EIF4G3: variants seen among roughly 807,000 people sequenced by gnomAD.
EIF4G3 encodes eukaryotic translation initiation factor 4 gamma 3, also known as eIF-4-gamma 3.
Under a neutral mutation model 186.4 loss-of-function variants are expected in EIF4G3, and 34 were observed. The observed-to-expected ratio is 0.18, with a 90% CI of 0.14 to 0.24. EIF4G3 has a LOEUF of 0.24. Ranked by LOEUF, EIF4G3 falls within the 10% of genes least tolerant of loss-of-function variation. The pLI is 1.00. For missense variants in EIF4G3, 1,536 were observed against 1,948.5 expected, an observed-to-expected ratio of 0.79 and a Z score of 3.99; for synonymous variants, 673 against 679.5, an observed-to-expected ratio of 0.99 and a Z score of 0.15.
chr1:20,817,962 C>G (rs940241702), intron 33 of EIF4G3, among the ~76,000 whole-genome samples: 1 of 152,106 alleles, frequency 6.6e-6, no homozygotes, highest in Non-Finnish European at 1.5e-5. Flanking sequence ...GCATGACTCA[C>G]CACGCCCAAC....
intron 2 of EIF4G3, among the ~76,000 whole-genome samples, chr1:21,171,954 G>T (rs1419035689): frequency 6.6e-6 from 1 of 151,996 alleles, no homozygotes. Flanking sequence ...AAAGGGCAAG[G>T]ATATTACGAG....
At position 21,019,029 on chromosome 1, in the gene EIF4G3, G is replaced by GT. The variant is rs917426060; in HGVS notation, c.-66-16222dup. Among the ~76,000 whole-genome samples, 6 of 151,564 alleles carry GT rather than the reference G, an allele frequency of 4.0e-5. No individual in the cohort carries two copies. In the South Asian group the frequency reaches 1.0e-3, roughly 26 times the overall value. Reference sequence around the variant, plus strand: ...TGTATTTTACCACAACTGAAAAAAAGTTTTTTTAAGAGAACAGGTCTCACT... The same window carrying GT: ...TGTATTTTACCACAACTGAAAAAAAGTTTTTTTTAAGAGAACAGGTCTCACT... On this transcript the variant is annotated intron_variant, in intron 4 of 36. Coordinates refer to ENST00000602326, the MANE Select transcript of EIF4G3 (RefSeq NM_001391906.1).
intron 12 of EIF4G3, among the ~76,000 whole-genome samples, chr1:20,961,439 T>C (rs2096567635): frequency 6.6e-6 from 1 of 152,184 alleles, no homozygotes; most frequent in South Asian, 2.1e-4. Flanking sequence ...AGTTTCAGTG[T>C]ACCCACAAAA....
At chr1:20,889,727 C>T (rs761244599) in intron 18 of EIF4G3, among the ~76,000 whole-genome samples, 6 of 152,000 alleles carry the variant, frequency 3.9e-5, no homozygotes, top group South Asian at 2.1e-4. Context: ...CCTGGCCTTG[C>T]GATCCACCTG....
At chr1:20,984,181 G>A (rs193101976) in intron 7 of EIF4G3, among the ~76,000 whole-genome samples, 9 of 151,774 alleles carry the variant, frequency 5.9e-5, no homozygotes, top group African/African-American at 1.9e-4. Flanking sequence ...TCTTTTGTCG[G>A]GGGGAGATGG....
rs182899759 is a variant in EIF4G3, at chr1:20,834,845, A to C, written c.4062-5573T>G. Among the ~76,000 whole-genome samples the C allele has an allele frequency of 5.6e-3, 846 of 152,336 alleles. 3 individuals carry two copies. Among genetic ancestry groups the C allele is most frequent in the Non-Finnish European group, 0.01 (684 of 68,018 alleles). Reference sequence around the variant, plus strand: ...AACTCATCTAGACAGAAAATCAGTAAGGAAACATTGGGCTTGAATTATACT... The same window carrying C: ...AACTCATCTAGACAGAAAATCAGTACGGAAACATTGGGCTTGAATTATACT... On this transcript the variant is annotated intron_variant, in intron 30 of 36. Coordinates refer to ENST00000602326, the MANE Select transcript of EIF4G3 (RefSeq NM_001391906.1).
intron 3 of EIF4G3, among the ~76,000 whole-genome samples, chr1:21,076,949 T>C (rs189797840): frequency 4.7e-4 from 72 of 152,212 alleles, no homozygotes; most frequent in South Asian, 8.3e-4. Flanking sequence ...TGGGATTATA[T>C]CCAATTAAAA....
intron 2 of EIF4G3, among the ~76,000 whole-genome samples, chr1:21,173,314 G>A (rs147852333): frequency 0.018 from 2,766 of 151,660 alleles, 66 homozygotes; most frequent in African/African-American, 0.062. Flanking sequence ...CTCCTGCCTT[G>A]GCCTCCTGAG....
intron 29 of EIF4G3, among the ~76,000 whole-genome samples, chr1:20,848,992 A>T (rs1333946979): frequency 7.4e-6 from 1 of 135,088 alleles, no homozygotes; most frequent in East Asian, 2.6e-4. Context: ...GGTTGCAGTG[A>T]GCCGAGATCG....
At chr1:21,163,764 TTTTG>T (rs1307044611) in intron 2 of EIF4G3, among the ~76,000 whole-genome samples, 14 of 152,132 alleles carry the variant, frequency 9.2e-5, no homozygotes, top group African/African-American at 1.9e-4. Context: ...CAATTTTGTT[TTTTG>T]TTTGTTTTGT....
At chr1:21,047,951 A>C (rs1471618489) in intron 4 of EIF4G3, among the ~76,000 whole-genome samples, 1 of 152,194 alleles carries the variant, frequency 6.6e-6, no homozygotes, top group African/African-American at 2.4e-5. Flanking sequence ...AGGGGAAAAA[A>C]GGGCATTGAA....
At chr1:21,112,812 G>A (rs1291543239) in intron 2 of EIF4G3, among the ~76,000 whole-genome samples, 2 of 152,106 alleles carry the variant, frequency 1.3e-5, no homozygotes, top group African/African-American at 4.8e-5. Flanking sequence ...TGTAGAAGGG[G>A]CATACTCAAA....
At chr1:21,152,508 C>T (rs928514995) in intron 2 of EIF4G3, among the ~76,000 whole-genome samples, 2 of 151,446 alleles carry the variant, frequency 1.3e-5, no homozygotes, top group Admixed American at 6.6e-5. Context: ...CAACATGAAG[C>T]TTCTTTATAA....
intron 9 of EIF4G3, 59 bp from the exon 10 acceptor site, chr1:20,980,507 TAATAA>T: frequency 9.0e-7 from 1 of 1,112,352 alleles, no homozygotes; most frequent in Non-Finnish European, 1.2e-6. Context: ...GCGAAAAACA[TAATAA>T]AATAATAAGA....
At chr1:21,084,745 T>C (rs931279252) in intron 3 of EIF4G3, among the ~76,000 whole-genome samples, 5 of 152,260 alleles carry the variant, frequency 3.3e-5, no homozygotes, top group Middle Eastern at 3.4e-3. Context: ...ATTGCCACCT[T>C]TTCAGAGAGA....
At position 21,156,900 on chromosome 1, in the gene EIF4G3, C is replaced by A. The variant is rs72654856; in HGVS notation, c.-272+19275G>T. Among the ~76,000 whole-genome samples the A allele has an allele frequency of 6.9e-3, 1,056 of 152,110 alleles. 4 individuals are homozygous for A. Among genetic ancestry groups the A allele is most frequent in the Middle Eastern group, 0.017 (5 of 294 alleles). On this transcript the variant is annotated intron_variant, in intron 2 of 36. Coordinates refer to ENST00000602326, the MANE Select transcript of EIF4G3 (RefSeq NM_001391906.1). ...GACCAGGCTAGGCAACATAGTGAAACCTCGTCTCTACAAAATATCAACCTG... is the reference window on the plus strand; with the variant it reads ...GACCAGGCTAGGCAACATAGTGAAAACTCGTCTCTACAAAATATCAACCTG...
rs1210481267 is a variant in EIF4G3, at chr1:21,155,195, G to A, written c.-272+20980C>T. Among the ~76,000 whole-genome samples the A allele has an allele frequency of 9.6e-5, 14 of 145,524 alleles. No individual in the cohort carries two copies. In the East Asian group the frequency reaches 2.1e-3, roughly 21 times the overall value. On this transcript the variant is annotated intron_variant, in intron 2 of 36. Transcript: ENST00000602326. ...GGAGAATCGCTTGAACCCAGGAGGC[G>A]GAGGTTGCAGTGAGCCAAGATCGTG...
intron 3 of EIF4G3, among the ~76,000 whole-genome samples, chr1:21,060,353 T>C (rs1208562093): frequency 1.3e-5 from 2 of 152,300 alleles, no homozygotes; most frequent in South Asian, 2.1e-4. Flanking sequence ...GTGAATATAA[T>C]AGGGTAACAC....
chr1:20,825,040 A>T, intron 33 of EIF4G3, 60 bp downstream of exon 33: 1 of 1,105,420 alleles, frequency 9.0e-7, no homozygotes, highest in Non-Finnish European at 1.3e-6. Context: ...AATTACCTTC[A>T]CTTCCTCTAT....
Sources: gnomAD v4.1 joint callset for allele counts (sites outside exome capture counted in the v4.1 genomes callset) on GRCh38, gnomAD v4.1.1 for gene constraint, MANE v1.5 for transcripts, NCBI Gene and HGNC (gene_info 2026-07-23, HGNC 2026-07-21) for gene names.